Variants in DNAH7 observed in about 807,000 individuals in gnomAD.
DNAH7 encodes axonemal beta dynein heavy chain 7.
A neutral mutation model predicts 444.6 loss-of-function variants in DNAH7; 397 were observed. The observed-to-expected ratio is 0.89, with a 90% CI of 0.82 to 0.97. The LOEUF is 0.97. DNAH7 is among the 50% of genes least tolerant of loss of function. DNAH7 has a pLI of 0.00. For missense variants in DNAH7, 4,902 were observed against 4,800.8 expected, an observed-to-expected ratio of 1.02 and a Z score of -0.62; for synonymous variants, 1,636 against 1,624.4, an observed-to-expected ratio of 1.01 and a Z score of -0.17.
At chr2:195,967,248 C>G (rs540168534) in intron 17 of DNAH7, among the ~76,000 whole-genome samples, 12 of 152,040 alleles carry the variant, frequency 7.9e-5, no homozygotes, top group Non-Finnish European at 1.3e-4. Context: ...AAAATCTACA[C>G]TTTGACTTCA....
chr2:195,809,933 A>C, intron 51 of DNAH7, 62 bp from the exon 52 acceptor site: 2 of 1,299,830 alleles, frequency 1.5e-6, no homozygotes, highest in Non-Finnish European at 2.0e-6. Flanking sequence ...AATGCTCTTA[A>C]GAAACTTACA....
At chr2:195,814,746 T>A (rs1381002131) in intron 51 of DNAH7, among the ~76,000 whole-genome samples, 1 of 152,108 alleles carries the variant, frequency 6.6e-6, no homozygotes, top group African/African-American at 2.4e-5. Flanking sequence ...AATAATTTTT[T>A]TTTTTCTTTT....
At chr2:196,013,136 G>A (rs1694818013) in intron 9 of DNAH7, among the ~76,000 whole-genome samples, 1 of 152,102 alleles carries the variant, frequency 6.6e-6, no homozygotes, top group Middle Eastern at 3.2e-3. Context: ...TGAAGTAGAA[G>A]AAAGTTGCAA....
chr2:195,799,995 G>A (rs1696367743), intron 54 of DNAH7, among the ~76,000 whole-genome samples: 1 of 152,196 alleles, frequency 6.6e-6, no homozygotes, highest in Non-Finnish European at 1.5e-5. Flanking sequence ...AGAATTTTCT[G>A]GGAGCCTGTT....
At chr2:195,965,676 T>A (rs762395653) in intron 17 of DNAH7, among the ~76,000 whole-genome samples, 10 of 152,224 alleles carry the variant, frequency 6.6e-5, no homozygotes, top group Non-Finnish European at 1.5e-4. Context: ...TTTGGATTGC[T>A]GCATGGTTCA....
intron 9 of DNAH7, among the ~76,000 whole-genome samples, chr2:196,016,797 T>C (rs1387830273): frequency 6.6e-6 from 1 of 152,132 alleles, no homozygotes; most frequent in East Asian, 1.9e-4. Context: ...TAGAAAGGCA[T>C]TGGAGTGAAA....
intron 1 of DNAH7, among the ~76,000 whole-genome samples, chr2:196,058,584 C>T (rs1014218152): frequency 6.6e-6 from 1 of 152,150 alleles, no homozygotes; most frequent in East Asian, 1.9e-4. Context: ...TGAGACAATT[C>T]CATTTACAAT....
At chr2:195,978,707 G>T (rs1692362395) in intron 15 of DNAH7, among the ~76,000 whole-genome samples, 1 of 152,078 alleles carries the variant, frequency 6.6e-6, no homozygotes, top group South Asian at 2.1e-4. Context: ...GACACACATA[G>T]CCTGACAATA....
At chr2:195,841,665 T>C (rs1158931562) in intron 47 of DNAH7, among the ~76,000 whole-genome samples, 1 of 134,944 alleles carries the variant, frequency 7.4e-6, no homozygotes, top group Non-Finnish European at 1.7e-5. Flanking sequence ...TTCTTCTCCA[T>C]TATTATTTTG....
At chr2:195,970,594 G>A (rs957278885) in intron 16 of DNAH7, among the ~76,000 whole-genome samples, 23 of 152,126 alleles carry the variant, frequency 1.5e-4, no homozygotes, top group African/African-American at 5.5e-4. Flanking sequence ...CTTGTCCAAT[G>A]GGCTCTCTTC....
intron 21 of DNAH7, among the ~76,000 whole-genome samples, chr2:195,930,837 T>C (rs1451412226): frequency 6.6e-6 from 1 of 152,144 alleles, no homozygotes; most frequent in African/African-American, 2.4e-5. Context: ...TATAATACTA[T>C]GCAGCCACAA....
Position 195,795,019 on chromosome 2 carries a change from T to C in DNAH7, c.10516-481A>G, listed in dbSNP as rs1696068111. Among the ~76,000 whole-genome samples the C allele has an allele frequency of 3.3e-5, 5 of 152,286 alleles. No homozygotes were observed. The South Asian group carries it at 8.3e-4, about 25-fold the overall frequency. On this transcript the variant is annotated intron_variant, in intron 56 of 64. Transcript: ENST00000312428. ...TCTGTGATGGGTATATATGATACAA[T>C]TCAACAGGTCATGAGAACAGTCTCA... is the stretch of plus-strand genomic sequence containing the variant.
chr2:195,883,456 C>CG (rs201793414), intron 35 of DNAH7, among the ~76,000 whole-genome samples: 1,647 of 148,794 alleles, frequency 0.011, 39 homozygotes, highest in East Asian at 0.066. Context: ...CCCGCTCCCC[C>CG]CCCCCAAAAA....
intron 1 of DNAH7, among the ~76,000 whole-genome samples, chr2:196,061,986 G>A (rs1466520400): frequency 3.9e-5 from 6 of 152,110 alleles, no homozygotes; most frequent in Admixed American, 2.0e-4. Flanking sequence ...TAACAGCCTA[G>A]TCTCTTAGTT....
Position 195,864,927 on chromosome 2 carries a change from T to G in DNAH7, c.6728A>C (p.Glu2243Ala). 6.2e-7 allele frequency: 1 copy of G among 1,612,288 alleles called. No homozygotes were observed. The highest frequency in any genetic ancestry group is 8.5e-7 in the Non-Finnish European group (1 of 1,180,004). The change falls in exon 41 of 65, where the codon GAA (glutamate) becomes GCA (alanine). Residue 2243 changes from glutamate to alanine, a missense_variant. Transcript: ENST00000312428. ...ACGCTGAAAAAGCTCATGAAAATCT[T>G]CATACATGTAGTTTCTCAAAATTTC... ...IQEILRNYMY[E>A]DFHELFQRLD...
intron 57 of DNAH7, among the ~76,000 whole-genome samples, chr2:195,791,896 G>C (rs1306907588): frequency 6.6e-6 from 1 of 152,214 alleles, no homozygotes; most frequent in African/African-American, 2.4e-5. Flanking sequence ...GCCAGGTGCA[G>C]TGGCTCATGC....
Position 195,961,436 on chromosome 2 carries a change from C to CTACTTCTA in DNAH7, c.2206-492_2206-491insTAGAAGTA, listed in dbSNP as rs879413222. ...ACCCTTGTAGGCATCATTCTACTCT[C>CTACTTCTA]TGCTTCTATGAATTTGATTTTTTAT... is the stretch of plus-strand genomic sequence containing the variant. On this transcript the variant is annotated intron_variant, in intron 17 of 64. Coordinates refer to ENST00000312428, the MANE Select transcript of DNAH7 (RefSeq NM_018897.3). 0.019 allele frequency among the ~76,000 whole-genome samples: 2,901 copies of CTACTTCTA among 152,234 alleles called. 234 individuals are homozygous for CTACTTCTA. The East Asian group carries it at 0.26, about 14-fold the overall frequency.
intron 46 of DNAH7, among the ~76,000 whole-genome samples, chr2:195,852,224 CTCCAGTCTGGGCGACAGAGGGAGGCTCCT>C (rs1699417220): frequency 6.6e-6 from 1 of 152,112 alleles, no homozygotes; most frequent in Admixed American, 6.5e-5. Context: ...CACCACTGCA[CTCCAGTCTGGGCGACAGAGGGAGGCTCCT>C]TCTCAAAAAC....
chr2:195,861,479 T>G (rs982114155), intron 42 of DNAH7, among the ~76,000 whole-genome samples: 2 of 152,206 alleles, frequency 1.3e-5, no homozygotes, highest in East Asian at 3.8e-4. Context: ...GGTTGGAATA[T>G]CTTCATTCTT....
Sources: gnomAD v4.1 joint callset for allele counts (sites outside exome capture counted in the v4.1 genomes callset) on GRCh38, gnomAD v4.1.1 for gene constraint, MANE v1.5 for transcripts, NCBI Gene and HGNC (gene_info 2026-07-23, HGNC 2026-07-21) for gene names.